The following DIAPH3 variants were observed in gnomAD, a reference collection of about 807,000 sequenced individuals.
The protein encoded by DIAPH3 is protein diaphanous homolog 3.
In DIAPH3, 117 loss-of-function variants were observed where a neutral mutation model predicts 144.3. That is an observed-to-expected ratio of 0.81 (90% CI 0.70 to 0.95). The LOEUF (loss-of-function observed/expected upper bound fraction) is 0.95, where lower values mean the gene tolerates loss of function less well. Ranked by LOEUF, DIAPH3 falls within the 40% of genes least tolerant of loss-of-function variation. The probability of loss-of-function intolerance (pLI) is 0.00; values close to 1 mark genes in which losing one functional copy is unlikely to be tolerated. For missense variants in DIAPH3, 1,421 were observed against 1,412.7 expected (o/e 1.01, Z -0.09); for synonymous variants, 519 against 488.9 (o/e 1.06, Z -0.81).
At chr13:59,843,701 A>G (rs2042466977) in intron 22 of DIAPH3, among the ~76,000 whole-genome samples, 1 of 152,224 alleles carries the variant, frequency 6.6e-6, no homozygotes, top group Non-Finnish European at 1.5e-5. Flanking sequence ...TTTGCACATT[A>G]TTTGCACATT....
chr13:59,897,617 G>A (rs535947669), intron 20 of DIAPH3, among the ~76,000 whole-genome samples: 101 of 151,442 alleles, frequency 6.7e-4, no homozygotes, highest in African/African-American at 2.3e-3. Flanking sequence ...GCATGGTGGC[G>A]TGCACCTGTA....
intron 3 of DIAPH3, among the ~76,000 whole-genome samples, chr13:60,104,108 T>C (rs2058344996): frequency 6.6e-6 from 1 of 152,136 alleles, no homozygotes; most frequent in Non-Finnish European, 1.5e-5. Context: ...AAAAGATAAA[T>C]ACTACCAAGA....
intron 1 of DIAPH3, among the ~76,000 whole-genome samples, chr13:60,139,319 T>C (rs1327951576): frequency 6.6e-6 from 1 of 152,088 alleles, no homozygotes; most frequent in Admixed American, 6.5e-5. Context: ...TGGAAAAAAG[T>C]GAAAGGGGAG....
chr13:59,676,723 T>C (rs2032662447), intron 27 of DIAPH3, among the ~76,000 whole-genome samples: 1 of 152,160 alleles, frequency 6.6e-6, no homozygotes, highest in Non-Finnish European at 1.5e-5. Context: ...AACAATACAA[T>C]TATATGTTCA....
chr13:60,156,459 A>G (rs1171644260), intron 1 of DIAPH3, among the ~76,000 whole-genome samples: 2 of 152,120 alleles, frequency 1.3e-5, no homozygotes, highest in Non-Finnish European at 2.9e-5. Flanking sequence ...TGGGGTATGT[A>G]AGGCAATTTA....
intron 27 of DIAPH3, among the ~76,000 whole-genome samples, chr13:59,687,047 C>T (rs2033256020): frequency 6.6e-6 from 1 of 152,024 alleles, no homozygotes; most frequent in Non-Finnish European, 1.5e-5. Flanking sequence ...GACCAAGAGG[C>T]AATATTAAAA....
intron 11 of DIAPH3, 45 bp downstream of exon 11, chr13:59,992,023 A>G: frequency 2.7e-6 from 4 of 1,508,580 alleles, no homozygotes; most frequent in Non-Finnish European, 3.7e-6. Flanking sequence ...GGATTTAGCA[A>G]TAATTTTATA....
chr13:59,770,398 A>C (rs1203101829), intron 27 of DIAPH3, among the ~76,000 whole-genome samples: 1 of 152,172 alleles, frequency 6.6e-6, no homozygotes, highest in East Asian at 1.9e-4. Context: ...AACAAGACAG[A>C]TATGCTCCTT....
At chr13:60,051,859 C>T (rs767131020) in intron 4 of DIAPH3, among the ~76,000 whole-genome samples, 5 of 152,092 alleles carry the variant, frequency 3.3e-5, no homozygotes, top group African/African-American at 7.2e-5. Flanking sequence ...ATATAATCAA[C>T]TAAAAGTGAG....
In DIAPH3 at chr13:59,788,814, A is replaced by G. The variant is rs972773324; in HGVS notation, c.3164-13991T>C. On this transcript the variant is annotated intron_variant, in intron 25 of 27. Coordinates refer to ENST00000400324, the MANE Select transcript of DIAPH3 (RefSeq NM_001042517.2). ...TTTCTATGACCACTTATGGCTATTA[A>G]CTACAGAGCCAGCAATGGGTTTTAC... is the stretch of plus-strand genomic sequence containing the variant. Among the ~76,000 whole-genome samples the G allele has an allele frequency of 1.3e-5, 2 of 152,234 alleles. 1 individual carries two copies. Among genetic ancestry groups the G allele is most frequent in the African/African-American group, 4.8e-5 (2 of 41,460 alleles).
intron 20 of DIAPH3, among the ~76,000 whole-genome samples, chr13:59,901,781 G>A (rs2046448272): frequency 6.6e-6 from 1 of 152,146 alleles, no homozygotes; most frequent in Non-Finnish European, 1.5e-5. Flanking sequence ...CAAACTCAAA[G>A]TCTAAGTTTC....
chr13:59,971,657 A>G lies in DIAPH3; in HGVS notation c.1651-497T>C, dbSNP rs556310672. Among the ~76,000 whole-genome samples, 4 of 152,360 alleles carry G rather than the reference A, an allele frequency of 2.6e-5. No individual in the cohort carries two copies. In the South Asian group the frequency reaches 8.3e-4, roughly 32 times the overall value. ...TATTGCCACATCATGACTTTGCTCA[A>G]ATCTTCTCAATGGTGTCCTAATGCA... is the stretch of plus-strand genomic sequence containing the variant. On this transcript the variant is annotated intron_variant, in intron 15 of 27. Transcript: ENST00000400324.
At chr13:60,061,863 G>C (rs554398568) in intron 4 of DIAPH3, among the ~76,000 whole-genome samples, 2 of 151,972 alleles carry the variant, frequency 1.3e-5, no homozygotes, top group African/African-American at 2.4e-5. Flanking sequence ...TTAACTCCGG[G>C]GGGTGAGGGG....
At chr13:60,059,758 T>C (rs1437117287) in intron 4 of DIAPH3, among the ~76,000 whole-genome samples, 2 of 152,032 alleles carry the variant, frequency 1.3e-5, no homozygotes, top group African/African-American at 4.8e-5. Context: ...TGATGGTTCA[T>C]TGAAGGATGA....
intron 2 of DIAPH3, among the ~76,000 whole-genome samples, chr13:60,130,373 G>A (rs1468123587): frequency 1.3e-5 from 2 of 152,216 alleles, no homozygotes; most frequent in African/African-American, 4.8e-5. Context: ...AGAGAACAGT[G>A]AGAGTGAGGA....
intron 17 of DIAPH3, among the ~76,000 whole-genome samples, chr13:59,958,938 C>T (rs1306428239): frequency 1.4e-5 from 2 of 144,892 alleles, no homozygotes; most frequent in South Asian, 2.2e-4. Context: ...AGCAATGGCA[C>T]GATCTCGGCT....
chr13:60,049,907 C>T lies in DIAPH3; in HGVS notation c.496-7087G>A, dbSNP rs374430031. ...TTGTTCTAAGAAAATAACGCTTGTGCGGCTAAGCATGGTAGCTCATGCCTG... is the reference window on the plus strand; with the variant it reads ...TTGTTCTAAGAAAATAACGCTTGTGTGGCTAAGCATGGTAGCTCATGCCTG... On this transcript the variant is annotated intron_variant, in intron 4 of 27. Coordinates refer to ENST00000400324, the MANE Select transcript of DIAPH3 (RefSeq NM_001042517.2). 3.3e-3 allele frequency among the ~76,000 whole-genome samples: 510 copies of T among 152,286 alleles called. 2 individuals carry two copies. Among genetic ancestry groups the T allele is most frequent in the African/African-American group, 0.011 (463 of 41,576 alleles).
intron 22 of DIAPH3, among the ~76,000 whole-genome samples, chr13:59,857,681 C>G (rs113223029): frequency 6.6e-6 from 1 of 152,076 alleles, no homozygotes; most frequent in African/African-American, 2.4e-5. Flanking sequence ...TCCTGGAAAA[C>G]GTATGAATTT....
rs1210834080 is a variant in DIAPH3 at position 59,666,585 on chromosome 13, T to C, written c.3581A>G (p.Ter1194=). The change falls in exon 28 of 28, where the codon TAA becomes TGA. Residue 1194 remains the stop codon, a stop_retained_variant. Transcript: ENST00000400324. ...ATTTTTTTTAAAAACCAGTTTAACT[T>C]ATAAAGCTCGTAATCTTGCCAGCAG... ...EALLARLRAL[*] is the part of the protein sequence containing the mutation. The C allele has an allele frequency of 1.2e-6, 2 of 1,614,068 alleles. No individual in the cohort carries two copies. The highest frequency in any genetic ancestry group is 4.5e-5 in the East Asian group (2 of 44,878).
Sources: allele counts gnomAD v4.1 joint callset (sites outside exome capture counted in the v4.1 genomes callset), GRCh38; gene constraint gnomAD v4.1.1; transcripts MANE v1.5; gene names NCBI Gene and HGNC (gene_info 2026-07-23, HGNC 2026-07-21).